Variants in UNC5B observed in about 807,000 individuals in gnomAD.
The protein encoded by UNC5B is netrin receptor UNC5B.
Under a neutral mutation model 103.7 loss-of-function variants are expected in UNC5B, and 56 were observed. The ratio of observed to expected loss-of-function variants is 0.54; its 90% CI spans 0.44 to 0.67. The LOEUF (loss-of-function observed/expected upper bound fraction) is 0.67, where lower values mean the gene tolerates loss of function less well. Among genes scored for constraint, UNC5B ranks in the 30% least tolerant of loss-of-function variants. UNC5B has a pLI of 0.00. For synonymous variants in UNC5B, 577 were observed against 542.0 expected, an observed-to-expected ratio of 1.06 and a Z score of -0.90; for missense variants, 1,194 against 1,284.5, an observed-to-expected ratio of 0.93 and a Z score of 1.08.
intron 7 of UNC5B, 29 bp from the exon 8 acceptor site, chr10:71,288,929 A>G (rs771394922): frequency 9.1e-6 from 14 of 1,541,462 alleles, no homozygotes; most frequent in Non-Finnish European, 1.1e-5. Flanking sequence ...CACCTATGTC[A>G]TTGTCTTTCC....
intron 1 of UNC5B, among the ~76,000 whole-genome samples, chr10:71,270,506 CTT>C (rs1844624301): frequency 6.6e-6 from 1 of 152,078 alleles, no homozygotes; most frequent in Non-Finnish European, 1.5e-5. Context: ...GGGTTTCTCT[CTT>C]ATGAGATCAC....
intron 1 of UNC5B, among the ~76,000 whole-genome samples, chr10:71,260,149 T>C (rs1436633995): frequency 1.3e-5 from 2 of 152,232 alleles, no homozygotes; most frequent in African/African-American, 4.8e-5. Context: ...CTCTGGCCAC[T>C]GCCCAAGGGG....
At chr10:71,258,152 T>C (rs531151162) in intron 1 of UNC5B, among the ~76,000 whole-genome samples, 2 of 152,332 alleles carry the variant, frequency 1.3e-5, no homozygotes, top group African/African-American at 4.8e-5. Context: ...CAAAATCACC[T>C]GCCTGAAGGC....
At chr10:71,289,481 G>T (rs937360482) in intron 8 of UNC5B, among the ~76,000 whole-genome samples, 1 of 152,166 alleles carries the variant, frequency 6.6e-6, no homozygotes, top group Non-Finnish European at 1.5e-5. Flanking sequence ...GCTGCCCTGC[G>T]TCAGCTCTGG....
intron 1 of UNC5B, among the ~76,000 whole-genome samples, chr10:71,256,601 C>T (rs1438960366): frequency 6.6e-6 from 1 of 152,164 alleles, no homozygotes; most frequent in African/African-American, 2.4e-5. Context: ...GGTGGGGACT[C>T]GGGCGTGCAG....
rs1845323186 is a variant in UNC5B, at chr10:71,293,540, G to A, written c.1908G>A (p.Gln636=). ...AEVSARDWIF[Q]LKTQAHQGHW... ...TCAGTGCCCGTGACTGGATCTTTCAGCTCAAGACCCAGGCCCACCAGGGCC... is the reference window on the plus strand; with the variant it reads ...TCAGTGCCCGTGACTGGATCTTTCAACTCAAGACCCAGGCCCACCAGGGCC... Residue 636 remains glutamine (Q), a synonymous_variant, in exon 12 of 17, where the codon CAG becomes CAA. Transcript: ENST00000335350. The A allele has an allele frequency of 6.2e-7, 1 of 1,613,756 alleles. No homozygotes were observed. Among genetic ancestry groups the A allele is most frequent in the Non-Finnish European group, 8.5e-7 (1 of 1,180,024 alleles).
chr10:71,253,480 G>C (rs1452677094), intron 1 of UNC5B, among the ~76,000 whole-genome samples: 1 of 152,218 alleles, frequency 6.6e-6, no homozygotes, highest in Non-Finnish European at 1.5e-5. Flanking sequence ...CAGGTGGGCA[G>C]GCTGGCAGGG....
At chr10:71,268,530 CCCCATAG>C (rs1844572781) in intron 1 of UNC5B, among the ~76,000 whole-genome samples, 1 of 152,170 alleles carries the variant, frequency 6.6e-6, no homozygotes, top group Non-Finnish European at 1.5e-5. Context: ...GTTTTGAAGG[CCCCATAG>C]CCCAGGATCT....
intron 11 of UNC5B, 91 bp from the exon 12 acceptor site, chr10:71,293,314 C>A: frequency 6.9e-7 from 1 of 1,450,992 alleles, no homozygotes; most frequent in Non-Finnish European, 9.3e-7. Context: ...CCTCCACCTC[C>A]CGGGCCCTGG....
intron 1 of UNC5B, among the ~76,000 whole-genome samples, chr10:71,255,655 C>G (rs1306014912): frequency 6.6e-6 from 1 of 152,224 alleles, no homozygotes; most frequent in Non-Finnish European, 1.5e-5. Flanking sequence ...AAGTAATTTG[C>G]TCTTTTAATA....
chr10:71,263,491 G>C (rs1281328391), intron 1 of UNC5B, among the ~76,000 whole-genome samples: 1 of 152,196 alleles, frequency 6.6e-6, no homozygotes, highest in Non-Finnish European at 1.5e-5. Context: ...CCTTCTCTGA[G>C]TTATTAAGAG....
chr10:71,283,997 A>G (rs899540950), intron 2 of UNC5B, among the ~76,000 whole-genome samples: 1 of 152,224 alleles, frequency 6.6e-6, no homozygotes, highest in East Asian at 1.9e-4. Context: ...GTTCTCCTGC[A>G]GGAGACAGAC....
rs980705957 is a variant in UNC5B at position 71,284,727 on chromosome 10, G to C, written c.312G>C (p.Arg104=). The change falls in exon 3 of 17, where the codon CGG becomes CGC. Residue 104 remains arginine, a synonymous_variant. Coordinates refer to ENST00000335350, the MANE Select transcript of UNC5B (RefSeq NM_170744.5). ...QEGLDEATGL[R]VREVQIEVSR... ...TCTCTCTTCTCCTCCCAGGCCTGCGGGTGCGCGAGGTGCAGATCGAGGTGT... is the reference window on the plus strand; with the variant it reads ...TCTCTCTTCTCCTCCCAGGCCTGCGCGTGCGCGAGGTGCAGATCGAGGTGT... 6.2e-7 allele frequency: 1 copy of C among 1,613,730 alleles called. No individual in the cohort carries two copies. Among genetic ancestry groups the C allele is most frequent in the Non-Finnish European group, 8.5e-7 (1 of 1,180,010 alleles).
At chr10:71,289,494 G>A (rs994816393) in intron 8 of UNC5B, among the ~76,000 whole-genome samples, 17 of 152,184 alleles carry the variant, frequency 1.1e-4, no homozygotes, top group African/African-American at 4.1e-4. Context: ...AGCTCTGGAG[G>A]GCTCACCCTC....
chr10:71,237,872 C>A (rs1225505705), intron 1 of UNC5B, among the ~76,000 whole-genome samples: 1 of 152,172 alleles, frequency 6.6e-6, no homozygotes, highest in Non-Finnish European at 1.5e-5. Flanking sequence ...TGGTGATGAG[C>A]CAGGTGAGCC....
At chr10:71,289,113 G>A in intron 8 of UNC5B, 123 bp downstream of exon 8, 1 of 1,272,432 alleles carries the variant, frequency 7.9e-7, no homozygotes, top group Admixed American at 1.9e-5. Context: ...CCCCCCACGG[G>A]ATCATCTACA....
chr10:71,222,079 CT>C (rs1378651581), intron 1 of UNC5B, among the ~76,000 whole-genome samples: 1 of 152,132 alleles, frequency 6.6e-6, no homozygotes, highest in African/African-American at 2.4e-5. Flanking sequence ...GAGGAAGAAG[CT>C]CTTGTGGTCT....
intron 1 of UNC5B, among the ~76,000 whole-genome samples, chr10:71,269,890 T>C (rs11596967): frequency 0.058 from 8,853 of 152,140 alleles, 387 homozygotes; most frequent in African/African-American, 0.11. Context: ...AGAGGTGGCA[T>C]TTGAGTTGGG....
intron 1 of UNC5B, among the ~76,000 whole-genome samples, chr10:71,255,827 C>T (rs1032912589): frequency 1.3e-5 from 2 of 152,324 alleles, no homozygotes; most frequent in South Asian, 4.1e-4. Context: ...AGCTTGCATC[C>T]GAAGCCAAAG....
Sources: gnomAD v4.1 joint callset for allele counts (sites outside exome capture counted in the v4.1 genomes callset) on GRCh38, gnomAD v4.1.1 for gene constraint, MANE v1.5 for transcripts, NCBI Gene and HGNC (gene_info 2026-07-23, HGNC 2026-07-21) for gene names.